ADCY2: variants seen among roughly 807,000 people sequenced by gnomAD.
ADCY2 encodes adenylate cyclase type 2.
A neutral mutation model predicts 125.2 loss-of-function variants in ADCY2; 31 were observed. The ratio of observed to expected loss-of-function variants is 0.25; its 90% confidence interval spans 0.19 to 0.33. The LOEUF is 0.33. Among genes scored for constraint, ADCY2 ranks in the 10% least tolerant of loss-of-function variants. The pLI, the probability that ADCY2 is intolerant of heterozygous loss-of-function variation, is 1.00. For synonymous variants in ADCY2, 512 were observed against 548.4 expected, an observed-to-expected ratio of 0.93 and a Z score of 0.93; for missense variants, 904 against 1,418.2, an observed-to-expected ratio of 0.64 and a Z score of 5.82.
At chr5:7,668,962 C>T (rs1217488212) in intron 4 of ADCY2, among the ~76,000 whole-genome samples, 1 of 152,184 alleles carries the variant, frequency 6.6e-6, no homozygotes, top group East Asian at 1.9e-4. Context: ...CACTATTTTC[C>T]TGAAACATAA....
chr5:7,407,145 G>T (rs966575802), intron 1 of ADCY2, among the ~76,000 whole-genome samples: 1 of 152,150 alleles, frequency 6.6e-6, no homozygotes, highest in South Asian at 2.1e-4. Flanking sequence ...CATTGTCAAC[G>T]TTCAGACCAT....
chr5:7,454,107 T>TG (rs1160948290), intron 2 of ADCY2, among the ~76,000 whole-genome samples: 6 of 152,192 alleles, frequency 3.9e-5, no homozygotes, highest in Admixed American at 2.0e-4. Context: ...TCTAGTTGGG[T>TG]GGGGGGTGCC....
chr5:7,432,627 C>A (rs1228469379), intron 2 of ADCY2, among the ~76,000 whole-genome samples: 1 of 152,194 alleles, frequency 6.6e-6, no homozygotes, highest in East Asian at 1.9e-4. Flanking sequence ...CACTTCAGTT[C>A]CTGCCCATGA....
At chr5:7,693,702 C>T (rs750887766) in intron 5 of ADCY2, among the ~76,000 whole-genome samples, 4 of 152,264 alleles carry the variant, frequency 2.6e-5, no homozygotes, top group Admixed American at 6.5e-5. Context: ...GGATTACAGG[C>T]GTGAGCCACC....
At chr5:7,498,266 T>G (rs967539470) in intron 2 of ADCY2, among the ~76,000 whole-genome samples, 2 of 132,562 alleles carry the variant, frequency 1.5e-5, no homozygotes, top group African/African-American at 5.7e-5. Context: ...TTTTTTTTTT[T>G]AAGACAGAGT....
At chr5:7,807,876 C>G (rs1561023910) in intron 22 of ADCY2, among the ~76,000 whole-genome samples, 1 of 152,192 alleles carries the variant, frequency 6.6e-6, no homozygotes, top group Non-Finnish European at 1.5e-5. Flanking sequence ...TTGTGCAGAC[C>G]AACCTGGGTC....
chr5:7,440,894 C>A (rs577517570), intron 2 of ADCY2, among the ~76,000 whole-genome samples: 1 of 152,240 alleles, frequency 6.6e-6, no homozygotes, highest in Non-Finnish European at 1.5e-5. Context: ...GCCAAAGAAC[C>A]CACTGGAGCT....
intron 15 of ADCY2, among the ~76,000 whole-genome samples, chr5:7,750,801 T>C (rs990887460): frequency 2.6e-5 from 4 of 152,150 alleles, no homozygotes; most frequent in African/African-American, 7.2e-5. Context: ...TCATGGGCAG[T>C]AGATTCCAGG....
intron 3 of ADCY2, among the ~76,000 whole-genome samples, chr5:7,600,613 G>A (rs1381016551): frequency 6.6e-6 from 1 of 152,192 alleles, no homozygotes; most frequent in Non-Finnish European, 1.5e-5. Flanking sequence ...CCATGAGGCT[G>A]GAGTGGCTCA....
At chr5:7,800,073 T>C (rs1744544633) in intron 20 of ADCY2, 1 of 152,082 alleles carries the variant, frequency 6.6e-6, no homozygotes, top group South Asian at 2.1e-4. Context: ...TAAAGTATAG[T>C]ATTTACACGG....
intron 2 of ADCY2, among the ~76,000 whole-genome samples, chr5:7,481,829 G>A (rs370840015): frequency 2.6e-5 from 4 of 151,886 alleles, no homozygotes; most frequent in South Asian, 4.2e-4. Flanking sequence ...AATCCTATTT[G>A]TCCATTTTTT....
At chr5:7,697,003 A>G (rs1391652224) in intron 6 of ADCY2, among the ~76,000 whole-genome samples, 1 of 152,096 alleles carries the variant, frequency 6.6e-6, no homozygotes, top group Non-Finnish European at 1.5e-5. Flanking sequence ...CTACCTGTTC[A>G]TGTTAGGAAG....
chr5:7,788,289 C>T (rs1209259492), intron 19 of ADCY2, among the ~76,000 whole-genome samples: 3 of 152,154 alleles, frequency 2.0e-5, no homozygotes, highest in Non-Finnish European at 4.4e-5. Flanking sequence ...AAGTGATTCT[C>T]CTGCTTCAGC....
intron 4 of ADCY2, among the ~76,000 whole-genome samples, chr5:7,678,049 AGTTT>A (rs1740195690): frequency 6.6e-6 from 1 of 152,146 alleles, no homozygotes; most frequent in Non-Finnish European, 1.5e-5. Context: ...AGAATTCCTG[AGTTT>A]GTTTATGCTA....
intron 2 of ADCY2, among the ~76,000 whole-genome samples, chr5:7,473,318 T>C (rs1742407628): frequency 6.6e-6 from 1 of 152,028 alleles, no homozygotes; most frequent in African/African-American, 2.4e-5. Flanking sequence ...GCGGAAGGAA[T>C]AGGAAAGCCA....
chr5:7,756,440 C>T (rs1251453575), intron 15 of ADCY2, among the ~76,000 whole-genome samples: 2 of 152,102 alleles, frequency 1.3e-5, no homozygotes, highest in Admixed American at 6.5e-5. Context: ...ACTCAGTGTC[C>T]ATTTTATGAA....
intron 4 of ADCY2, among the ~76,000 whole-genome samples, chr5:7,628,138 CAT>C (rs772401574): frequency 7.9e-5 from 12 of 152,146 alleles, no homozygotes; most frequent in Non-Finnish European, 1.5e-4. Flanking sequence ...CCTTAGCACT[CAT>C]GGGTGGTCCT....
chr5:7,809,727 A>G (rs1441777073), intron 22 of ADCY2, among the ~76,000 whole-genome samples: 1 of 152,256 alleles, frequency 6.6e-6, no homozygotes, highest in Non-Finnish European at 1.5e-5. Context: ...ACAAGTGCAC[A>G]GAAGTATATC....
At chr5:7,686,919 C>T (rs747493183) in intron 4 of ADCY2, among the ~76,000 whole-genome samples, 5 of 152,068 alleles carry the variant, frequency 3.3e-5, no homozygotes, top group Non-Finnish European at 5.9e-5. Flanking sequence ...ATTCAATTGC[C>T]CAGCACTGTG....
Sources: allele counts gnomAD v4.1 joint callset (sites outside exome capture counted in the v4.1 genomes callset), GRCh38; gene constraint gnomAD v4.1.1; transcripts MANE v1.5; gene names NCBI Gene and HGNC (gene_info 2026-07-23, HGNC 2026-07-21).